The following PREX2 variants were observed in gnomAD, a reference collection of about 807,000 sequenced individuals.
The protein encoded by PREX2 is phosphatidylinositol-3,4,5-trisphosphate dependent Rac exchange factor 2.
PREX2 carries 107 observed loss-of-function variants against 203.2 expected under a neutral mutation model. The observed-to-expected ratio is 0.53, with a 90% CI of 0.45 to 0.62. The LOEUF is 0.62. Ranked by LOEUF, PREX2 falls within the 20% of genes least tolerant of loss-of-function variation. The pLI, the probability that PREX2 is intolerant of heterozygous loss-of-function variation, is 0.00. For synonymous variants in PREX2, 672 were observed against 663.6 expected (o/e 1.01, Z -0.19); for missense variants, 1,777 against 1,955.9 (o/e 0.91, Z 1.72).
At chr8:68,156,829 AG>A (rs1811551947) in intron 34 of PREX2, among the ~76,000 whole-genome samples, 1 of 152,172 alleles carries the variant, frequency 6.6e-6, no homozygotes, top group Admixed American at 6.5e-5. Context: ...TTCTCTTCCT[AG>A]TACAGAGGGG....
intron 1 of PREX2, among the ~76,000 whole-genome samples, chr8:67,955,413 G>C (rs1805474264): frequency 6.6e-6 from 1 of 152,116 alleles, no homozygotes; most frequent in South Asian, 2.1e-4. Flanking sequence ...TCTTCAGCTG[G>C]CTACTCTTTC....
At chr8:68,036,139 A>G (rs1789934686) in intron 6 of PREX2, among the ~76,000 whole-genome samples, 1 of 152,160 alleles carries the variant, frequency 6.6e-6, no homozygotes, top group Admixed American at 6.5e-5. Context: ...AAGGGGCTTG[A>G]GAGTTTCTTG....
intron 35 of PREX2, among the ~76,000 whole-genome samples, chr8:68,159,398 G>A (rs1224059550): frequency 1.3e-5 from 2 of 152,138 alleles, no homozygotes; most frequent in Non-Finnish European, 2.9e-5. Context: ...TGGCCATATA[G>A]TCTCTTTTAA....
chr8:67,957,778 T>G (rs186711685), intron 1 of PREX2, among the ~76,000 whole-genome samples: 1 of 152,286 alleles, frequency 6.6e-6, no homozygotes, highest in East Asian at 1.9e-4. Context: ...TGCTTAAGGT[T>G]TATGTTATGG....
At chr8:67,964,111 C>T (rs968424051) in intron 1 of PREX2, among the ~76,000 whole-genome samples, 5 of 152,170 alleles carry the variant, frequency 3.3e-5, no homozygotes, top group African/African-American at 1.2e-4. Context: ...GTCCTTTTCC[C>T]TATGGTTGAA....
At chr8:68,207,440 T>C (rs371526339) in intron 37 of PREX2, among the ~76,000 whole-genome samples, 7 of 152,182 alleles carry the variant, frequency 4.6e-5, no homozygotes, top group African/African-American at 1.7e-4. Context: ...ATGGATATAA[T>C]ATCATTGGCA....
At chr8:68,019,774 C>G in intron 3 of PREX2, 103 bp downstream of exon 3, 1 of 1,172,482 alleles carries the variant, frequency 8.5e-7, no homozygotes, top group Middle Eastern at 2.0e-4. Context: ...GAAGTAAAAT[C>G]TGACACCAAA....
chr8:68,040,626 C>G (rs1318079248), intron 7 of PREX2, among the ~76,000 whole-genome samples: 1 of 152,172 alleles, frequency 6.6e-6, no homozygotes, highest in Non-Finnish European at 1.5e-5. Flanking sequence ...CCCTGACCAT[C>G]CCATCTAATG....
intron 1 of PREX2, among the ~76,000 whole-genome samples, chr8:67,976,228 A>T (rs1481802333): frequency 1.3e-5 from 2 of 152,148 alleles, no homozygotes; most frequent in Non-Finnish European, 1.5e-5. Context: ...AGGGCTCTTG[A>T]AATTTTATCC....
intron 37 of PREX2, among the ~76,000 whole-genome samples, chr8:68,199,798 A>G (rs9298131): frequency 0.23 from 34,519 of 152,110 alleles, 5,266 homozygotes; most frequent in East Asian, 0.62. Context: ...CTGACATCAA[A>G]GGACAAATTG....
intron 21 of PREX2, among the ~76,000 whole-genome samples, chr8:68,096,253 A>G (rs1810069060): frequency 6.6e-6 from 1 of 152,196 alleles, no homozygotes; most frequent in Admixed American, 6.5e-5. Flanking sequence ...TAGCTATTCT[A>G]GGACTTAGTT....
chr8:68,003,968 C>T (rs539914273), intron 1 of PREX2, among the ~76,000 whole-genome samples: 20 of 151,988 alleles, frequency 1.3e-4, no homozygotes, highest in Non-Finnish European at 2.8e-4. Flanking sequence ...CCTGCCTCAG[C>T]CTCCCAAGTA....
intron 3 of PREX2, among the ~76,000 whole-genome samples, chr8:68,021,643 T>C (rs1345310006): frequency 6.6e-6 from 1 of 152,236 alleles, no homozygotes; most frequent in Non-Finnish European, 1.5e-5. Flanking sequence ...TGGACCTTGC[T>C]CAGATTGATT....
intron 1 of PREX2, among the ~76,000 whole-genome samples, chr8:67,970,812 A>C (rs945400848): frequency 5.9e-5 from 9 of 152,228 alleles, no homozygotes; most frequent in Non-Finnish European, 1.3e-4. Context: ...TGCAGGGCTC[A>C]CTTCATCCAC....
chr8:67,961,825 G>T (rs970629714), intron 1 of PREX2, among the ~76,000 whole-genome samples: 2 of 152,094 alleles, frequency 1.3e-5, no homozygotes, highest in East Asian at 3.9e-4. Context: ...GGAGCATAGT[G>T]TACAAAAAGG....
intron 33 of PREX2, among the ~76,000 whole-genome samples, chr8:68,140,295 G>A (rs780814715): frequency 1.1e-4 from 17 of 152,160 alleles, no homozygotes; most frequent in Non-Finnish European, 1.8e-4. Context: ...TCTTCAAAGC[G>A]TAACCTCAAC....
intron 15 of PREX2, among the ~76,000 whole-genome samples, chr8:68,079,679 G>A (rs1809453981): frequency 6.6e-6 from 1 of 152,036 alleles, no homozygotes; most frequent in South Asian, 2.1e-4. Context: ...TATTTTGACA[G>A]CTGTCAGGAT....
intron 1 of PREX2, among the ~76,000 whole-genome samples, chr8:67,999,271 A>G (rs1806861620): frequency 6.6e-6 from 1 of 152,092 alleles, no homozygotes; most frequent in East Asian, 1.9e-4. Context: ...AAGAAACAGA[A>G]TTAGAAACAA....
intron 35 of PREX2, among the ~76,000 whole-genome samples, chr8:68,168,922 A>G (rs1042055474): frequency 8.7e-6 from 1 of 114,708 alleles, no homozygotes; most frequent in Admixed American, 8.5e-5. Flanking sequence ...TTTTTTTTTT[A>G]ACTTACAACA....
Sources: allele counts gnomAD v4.1 joint callset (sites outside exome capture counted in the v4.1 genomes callset), GRCh38; gene constraint gnomAD v4.1.1; transcripts MANE v1.5; gene names NCBI Gene and HGNC (gene_info 2026-07-23, HGNC 2026-07-21).